Variants in ERAP1 observed in about 807,000 individuals in gnomAD.
ERAP1 encodes the protein adipocyte-derived leucine aminopeptidase.
In ERAP1, 86 loss-of-function variants were observed where a neutral mutation model predicts 103.7. The ratio of observed to expected loss-of-function variants is 0.83; its 90% CI spans 0.70 to 0.99. The LOEUF is 0.99. ERAP1 is among the 50% of genes least tolerant of loss of function. ERAP1 has a pLI of 0.00. For missense variants in ERAP1, 1,009 were observed against 1,128.4 expected, an observed-to-expected ratio of 0.89 and a Z score of 1.52; for synonymous variants, 398 against 402.4, an observed-to-expected ratio of 0.99 and a Z score of 0.13.
chr5:96,861,654 A>G, the ERAP1 span, among the ~76,000 whole-genome samples: 1 of 152,180 alleles, frequency 6.6e-6, no homozygotes, highest in Non-Finnish European at 1.5e-5. Context: ...ATCACATACC[A>G]TCTTATTTGA....
chr5:96,762,766 C>A, exon 20 of ERAP1: 1 of 245,272 alleles, frequency 4.1e-6, no homozygotes, highest in Non-Finnish European at 7.8e-6. Flanking sequence ...TATTTAACCT[C>A]AAGTTTATTT....
the ERAP1 span, chr5:96,883,898 AGC>A: frequency 6.2e-7 from 1 of 1,613,512 alleles, no homozygotes; most frequent in Non-Finnish European, 8.5e-7. Context: ...ACGAAGAGAG[AGC>A]AGGCATATTG....
Position 96,783,200 on chromosome 5 carries a change from A to C in ERAP1, c.2136T>G (p.Asp712Glu), listed in dbSNP as rs767933024. 1.2e-5 allele frequency: 19 copies of C among 1,613,250 alleles called. No homozygotes were observed. The highest frequency in any genetic ancestry group is 2.7e-5 in the African/African-American group (2 of 74,922). Residue 712 changes from aspartate (D) to glutamate (E), a missense_variant, in exon 15 of 19, where the codon GAT becomes GAG. Physicochemically the swap from Asp to Glu is conservative, Grantham distance 45. Coordinates refer to ENST00000443439, the MANE Select transcript of ERAP1 (RefSeq NM_001040458.3). ...FLIRLLRDLI[D>E]KQTWTDEGSV... ...AGCCCTCGTCTGTCCATGTCTGCTT[A>C]TCAATGAGGTCCCTTAGCAGCCTGA...
At chr5:96,896,895 T>TATTTA in the ERAP1 span, 3 of 1,535,166 alleles carry the variant, frequency 2.0e-6, no homozygotes, top group African/African-American at 4.2e-5. Flanking sequence ...GATAGACTGT[T>TATTTA]ATTTAATCTA....
At chr5:96,792,450 T>TA (rs1018368952) in intron 7 of ERAP1, among the ~76,000 whole-genome samples, 2 of 152,200 alleles carry the variant, frequency 1.3e-5, no homozygotes, top group Non-Finnish European at 1.5e-5. Flanking sequence ...CGTATTAATC[T>TA]AAAAACGAAA....
chr5:96,793,182 CA>C (rs1776928247), intron 7 of ERAP1, among the ~76,000 whole-genome samples: 1 of 152,282 alleles, frequency 6.6e-6, no homozygotes, highest in African/African-American at 2.4e-5. Context: ...AATTTACAAA[CA>C]ATCATAGATT....
At chr5:96,904,012 A>G in the ERAP1 span, among the ~76,000 whole-genome samples, 1 of 152,216 alleles carries the variant, frequency 6.6e-6, no homozygotes, top group African/African-American at 2.4e-5. Flanking sequence ...TATTTATGTT[A>G]TTAGCTGCTA....
At chr5:96,873,643 G>A in the ERAP1 span, 1 of 344,460 alleles carries the variant, frequency 2.9e-6, no homozygotes, top group Non-Finnish European at 5.8e-6. Flanking sequence ...ACCCTGATGT[G>A]CTTGAAGCAT....
At chr5:96,897,063 GCTCA>G in the ERAP1 span, among the ~76,000 whole-genome samples, 4 of 103,700 alleles carry the variant, frequency 3.9e-5, no homozygotes, top group Admixed American at 1.1e-4. Context: ...GGCCCCAGGG[GCTCA>G]CTATTTGACC....
chr5:96,786,000 C>G (rs1775942000), intron 12 of ERAP1, 29 bp from the exon 13 acceptor site: 1 of 1,607,392 alleles, frequency 6.2e-7, no homozygotes, highest in Non-Finnish European at 8.5e-7. Context: ...ATCAAAGTTC[C>G]ATTTGCTCCC....
exon 20 of ERAP1, chr5:96,762,854 A>C (rs1768479349): frequency 5.5e-6 from 2 of 364,544 alleles, no homozygotes; most frequent in Non-Finnish European, 1.0e-5. Flanking sequence ...CCCAATTCAC[A>C]CCAGTAAAAA....
At chr5:96,884,036 A>T in the ERAP1 span, 1 of 104,076 alleles carries the variant, frequency 9.6e-6, no homozygotes, top group Non-Finnish European at 1.8e-5. Flanking sequence ...ATTTGTTTTT[A>T]TCTATCTATC....
chr5:96,857,640 G>A, the ERAP1 span, among the ~76,000 whole-genome samples: 1 of 152,212 alleles, frequency 6.6e-6, no homozygotes, highest in East Asian at 1.9e-4. Flanking sequence ...AAGAAATACA[G>A]ATGTGAGTTT....
At chr5:96,802,571 T>C (rs996732183) in intron 2 of ERAP1, among the ~76,000 whole-genome samples, 16 of 152,288 alleles carry the variant, frequency 1.1e-4, no homozygotes, top group Admixed American at 4.6e-4. Context: ...ATTTTAAAAC[T>C]GAGCATAAAA....
At chr5:96,787,334 C>T (rs1025521661) in intron 11 of ERAP1, among the ~76,000 whole-genome samples, 8 of 152,058 alleles carry the variant, frequency 5.3e-5, no homozygotes, top group African/African-American at 1.7e-4. Context: ...GGTGCGATCT[C>T]GGCTCACTGC....
chr5:96,804,355 CAG>C, intron 1 of ERAP1: 2 of 306,768 alleles, frequency 6.5e-6, no homozygotes, highest in Non-Finnish European at 1.3e-5. Context: ...AGAACCATAT[CAG>C]AGGAACATCT....
upstream of ERAP1, among the ~76,000 whole-genome samples, chr5:96,810,143 C>T (rs533722690): frequency 1.3e-5 from 2 of 152,194 alleles, no homozygotes; most frequent in Non-Finnish European, 2.9e-5. Flanking sequence ...GCCGTGATTT[C>T]GTCTTTAGAG....
intron 1 of ERAP1, chr5:96,804,396 G>A (rs906830842): frequency 1.6e-5 from 4 of 256,410 alleles, no homozygotes; most frequent in African/African-American, 9.1e-5. Flanking sequence ...ACTGACACTG[G>A]ACCTTGGAGA....
chr5:96,896,778 A>C, the ERAP1 span: 3 of 1,482,370 alleles, frequency 2.0e-6, no homozygotes, highest in Non-Finnish European at 2.7e-6. Context: ...GGTGAGGAGA[A>C]ATTCCAGAAA....
Sources: allele counts gnomAD v4.1 joint callset (sites outside exome capture counted in the v4.1 genomes callset), GRCh38; gene constraint gnomAD v4.1.1; transcripts MANE v1.5; gene names NCBI Gene and HGNC (gene_info 2026-07-23, HGNC 2026-07-21).